Variants in REPS2 observed in about 807,000 individuals in gnomAD.
The protein encoded by REPS2 is RALBP1 associated Eps domain containing 2.
A neutral mutation model predicts 53.6 loss-of-function variants in REPS2; 23 were observed. The observed-to-expected ratio is 0.43, with a 90% CI of 0.31 to 0.61. REPS2 has a LOEUF of 0.61. Among genes scored for constraint, REPS2 ranks in the 20% least tolerant of loss-of-function variants. The pLI is 0.11. For missense variants in REPS2, 446 were observed against 534.9 expected (o/e 0.83, Z 1.64); for synonymous variants, 238 against 218.6 (o/e 1.09, Z -0.78).
At chrX:17,102,361 A>C (rs1206709271) in intron 13 of REPS2, among the ~76,000 whole-genome samples, 1 of 111,920 alleles carries the variant, frequency 8.9e-6, no homozygotes, top group Non-Finnish European at 1.9e-5. Flanking sequence ...GGACTACAGC[A>C]TGAGGCACCA....
chrX:17,068,224 G>C (rs1000857351), intron 9 of REPS2, among the ~76,000 whole-genome samples, 178 bp from the exon 10 acceptor site: 1 of 110,470 alleles, frequency 9.1e-6, no homozygotes, highest in African/African-American at 3.3e-5. Context: ...TGAGGCAGGA[G>C]AATGGTGTGA....
chrX:17,026,251 A>G (rs1047176443), intron 4 of REPS2, among the ~76,000 whole-genome samples: 3 of 111,608 alleles, frequency 2.7e-5, no homozygotes, highest in Admixed American at 9.5e-5. Context: ...GTATTAGAAG[A>G]TTAAGTGAGA....
rs1429245481 is a variant in REPS2 at position 17,150,297 on chromosome X, T to G, written c.*2816T>G. On this transcript the variant is annotated 3_prime_UTR_variant, in exon 18 of 18. Coordinates refer to ENST00000357277, the MANE Select transcript of REPS2 (RefSeq NM_004726.3). ...GTTAGACCTGCCTGTTGGGGAGAAT[T>G]CTATAGACAGAAGGTCAATGTTGTC... is the stretch of plus-strand genomic sequence containing the variant. 1.8e-5 allele frequency: 2 copies of G among 112,354 alleles called. No individual in the cohort carries two copies. The highest frequency in any genetic ancestry group is 3.8e-5 in the Non-Finnish European group (2 of 53,270). 9.3% of individuals were successfully genotyped at this position (112,354 alleles called of 1,213,427 possible).
At chrX:17,041,007 C>T (rs746654026) in intron 5 of REPS2, among the ~76,000 whole-genome samples, 1 of 111,569 alleles carries the variant, frequency 9.0e-6, no homozygotes, top group South Asian at 3.8e-4. Flanking sequence ...CAAATAGGCC[C>T]CACATTTTAA....
intron 4 of REPS2, 77 bp from the exon 5 acceptor site, chrX:17,029,449 A>T: frequency 1.5e-6 from 1 of 677,634 alleles, no homozygotes; most frequent in Non-Finnish European, 2.4e-6. Flanking sequence ...CAGATGCTGT[A>T]TCAGTTTGAA....
At chrX:17,127,652 C>G (rs1245010643) in intron 14 of REPS2, among the ~76,000 whole-genome samples, 1 of 111,422 alleles carries the variant, frequency 9.0e-6, no homozygotes, top group Non-Finnish European at 1.9e-5. Flanking sequence ...TTCAGCTCTC[C>G]CATTTTTCTC....
chrX:16,991,821 G>A (rs2061167636), intron 1 of REPS2, among the ~76,000 whole-genome samples: 1 of 111,345 alleles, frequency 9.0e-6, no homozygotes, highest in South Asian at 3.8e-4. Context: ...GAAGATAGAA[G>A]CAATGTATCT....
chrX:17,176,494 C>T, the REPS2 span, among the ~76,000 whole-genome samples: 2 of 111,869 alleles, frequency 1.8e-5, no homozygotes, highest in East Asian at 5.7e-4. Context: ...CAGCAGTATG[C>T]AGAAGAGAAG....
At chrX:17,013,216 A>T (rs1250297603) in intron 2 of REPS2, among the ~76,000 whole-genome samples, 1 of 112,045 alleles carries the variant, frequency 8.9e-6, no homozygotes, top group Non-Finnish European at 1.9e-5. Flanking sequence ...AAACTTATCT[A>T]ATCTAAAATG....
Position 17,029,868 on chromosome X carries a change from A to G in REPS2, c.771+245A>G, listed in dbSNP as rs2061686511. Among the ~76,000 whole-genome samples, 6 of 112,450 alleles carry G rather than the reference A, an allele frequency of 5.3e-5. No homozygotes were observed. The Admixed American group carries it at 5.6e-4, about 11-fold the overall frequency. On this transcript the variant is annotated intron_variant, in intron 5 of 17. Transcript: ENST00000357277. ...CTGCTTCTTGATCTTTAGTATATCT[A>G]AAATGTCCCTCTGCCTTCACCTATC...
chrX:17,155,970 T>C (rs2063610615), downstream of REPS2, among the ~76,000 whole-genome samples: 1 of 112,015 alleles, frequency 8.9e-6, no homozygotes, highest in Admixed American at 9.5e-5. Flanking sequence ...GAAATGAAGC[T>C]GAAATATACA....
chrX:16,951,559 A>ACACACACACACACC (rs879259718), intron 1 of REPS2, among the ~76,000 whole-genome samples: 12 of 37,507 alleles, frequency 3.2e-4, no homozygotes, highest in Non-Finnish European at 6.1e-4. Flanking sequence ...ACACACACAC[A>ACACACACACACACC]CCCCCGCTAC....
intron 17 of REPS2, among the ~76,000 whole-genome samples, chrX:17,140,617 T>C (rs749487775): frequency 1.8e-5 from 2 of 110,739 alleles, no homozygotes; most frequent in East Asian, 5.6e-4. Context: ...TCAAATAAAT[T>C]GCAGATATCT....
At chrX:17,001,814 T>A (rs2061310906) in intron 1 of REPS2, among the ~76,000 whole-genome samples, 2 of 111,339 alleles carry the variant, frequency 1.8e-5, no homozygotes, top group Admixed American at 1.9e-4. Context: ...TCTTACATGG[T>A]GGTGGCAGGA....
At chrX:17,048,236 T>A (rs1436205890) in intron 6 of REPS2, among the ~76,000 whole-genome samples, 3 of 112,799 alleles carry the variant, frequency 2.7e-5, no homozygotes, top group Non-Finnish European at 5.6e-5. Context: ...TAGTTTTATC[T>A]TGTGAAATGA....
chrX:17,031,527 C>CT (rs1442540865), intron 5 of REPS2, among the ~76,000 whole-genome samples: 2 of 112,379 alleles, frequency 1.8e-5, no homozygotes, highest in African/African-American at 6.5e-5. Context: ...AGGTATAACA[C>CT]TAACAGTTTC....
chrX:16,969,028 AG>A (rs1330028728), intron 1 of REPS2, among the ~76,000 whole-genome samples: 46 of 108,229 alleles, frequency 4.3e-4, no homozygotes, highest in African/African-American at 1.5e-3. Context: ...TGCCAGGCAG[AG>A]GGTCTCCTCA....
At chrX:16,992,351 A>C (rs1284524575) in intron 1 of REPS2, among the ~76,000 whole-genome samples, 2 of 111,748 alleles carry the variant, frequency 1.8e-5, no homozygotes, top group East Asian at 5.6e-4. Context: ...GAATGGAAAG[A>C]AATTTCTGTT....
chrX:17,119,179 A>C (rs959945523), intron 14 of REPS2, among the ~76,000 whole-genome samples: 3 of 112,158 alleles, frequency 2.7e-5, no homozygotes, highest in Non-Finnish European at 3.8e-5. Flanking sequence ...AGTGACAGAA[A>C]GAAAGAGTTA....
Sources: gnomAD v4.1 joint callset for allele counts (sites outside exome capture counted in the v4.1 genomes callset) on GRCh38, gnomAD v4.1.1 for gene constraint, MANE v1.5 for transcripts, NCBI Gene and HGNC (gene_info 2026-07-23, HGNC 2026-07-21) for gene names.